Variants in RBM42 observed in about 807,000 individuals in gnomAD.
The protein encoded by RBM42 is RNA-binding protein 42.
RBM42 carries 21 observed loss-of-function variants against 41.4 expected under a neutral mutation model. The observed-to-expected ratio is 0.51, with a 90% CI of 0.36 to 0.73. RBM42 has a LOEUF of 0.73. RBM42 is among the 30% of genes least tolerant of loss of function. The pLI is 0.00. For synonymous variants in RBM42, 272 were observed against 271.2 expected (o/e 1.00, Z -0.03); for missense variants, 539 against 680.4 (o/e 0.79, Z 2.31).
chr19:35,629,450 C>T, intron 1 of RBM42, 70 bp from the exon 2 acceptor site: 1 of 1,587,902 alleles, frequency 6.3e-7, no homozygotes, highest in Non-Finnish European at 8.6e-7. Flanking sequence ...TGAGGGTCCC[C>T]TCGCGATATA....
chr19:35,632,042 A>G (rs1009299845), intron 4 of RBM42: 7 of 153,156 alleles, frequency 4.6e-5, no homozygotes, highest in African/African-American at 1.7e-4. Context: ...TTTGTAGGAC[A>G]TTACTTCCTT....
chr19:35,637,530 AAAG>A lies in RBM42; in HGVS notation c.1426_1428del (p.Lys476del), dbSNP rs1568336007. 2 of 1,614,230 alleles carry A rather than the reference AAAG, an allele frequency of 1.2e-6. No homozygotes were observed. Among genetic ancestry groups the A allele is most frequent in the Non-Finnish European group, 1.7e-6 (2 of 1,180,038 alleles). On this transcript the variant is annotated inframe_deletion, in exon 10 of 10. Coordinates refer to ENST00000262633, the MANE Select transcript of RBM42 (RefSeq NM_024321.5). The surrounding 1 kb of genome is among the most constrained non-coding windows in gnomAD (Gnocchi z 7.0). ...ACGTGGTCCGCAAGAAGCAGAAGGAAAAGAAGAAGCTGGGCCTGAGATAGGGTC... is the reference window on the plus strand; with the variant it reads ...ACGTGGTCCGCAAGAAGCAGAAGGAAAAGAAGCTGGGCCTGAGATAGGGTC...
Position 35,637,337 on chromosome 19 carries a change from A to G in RBM42, c.1315A>G (p.Met439Val). The change falls in exon 9 of 10, where the codon ATG becomes GTG. Residue 439 changes from methionine to valine, a missense_variant. This residue lies in a region of RBM42 where 110 missense variants were observed against 191.5 expected (regional missense o/e 0.57). Transcript: ENST00000262633. The surrounding 1 kb of genome is among the most constrained non-coding windows in gnomAD (Gnocchi z 7.0). The part of the protein sequence containing the change: ...FKDPSDYVRA[M>V]REMNGKYVGS... ...GGACCCCAGCGACTACGTGCGCGCC[A>G]TGCGTGAGATGAATGGTGGGTGCGG... The G allele has an allele frequency of 6.2e-7, 1 of 1,614,208 alleles. No individual in the cohort carries two copies.
chr19:35,633,074 C>T lies in RBM42; in HGVS notation c.509-3C>T. 6.2e-7 allele frequency: 1 copy of T among 1,612,510 alleles called. No individual in the cohort carries two copies. The highest frequency in any genetic ancestry group is 8.5e-7 in the Non-Finnish European group (1 of 1,178,626). ...CTGGAACTCCCCACTAACACCCTGA[C>T]AGATTCCGCTCTCTCCTCTGCAGCA... On this transcript the variant is annotated splice_region_variant and splice_polypyrimidine_tract_variant and intron_variant, in intron 5 of 9. Coordinates refer to ENST00000262633, the MANE Select transcript of RBM42 (RefSeq NM_024321.5).
Position 35,633,178 on chromosome 19 carries a change from C to T in RBM42, c.610C>T (p.Pro204Ser), listed in dbSNP as rs1312109708. Residue 204 changes from proline to serine, a missense_variant, in exon 6 of 10, where the codon CCC becomes TCC. This residue lies in a region of RBM42 where 429 missense variants were observed against 488.9 expected (regional missense o/e 0.88). Transcript: ENST00000262633. ...CCCTCTGCCTGGGCCCCCTGGACCA[C>T]CCATGATGCTGCCACCAATGGCTCG... ...GPPLPGPPGP[P>S]MMLPPMARAP... 2 of 1,612,096 alleles carry T rather than the reference C, an allele frequency of 1.2e-6. No individual in the cohort carries two copies. Among genetic ancestry groups the T allele is most frequent in the East Asian group, 2.2e-5 (1 of 44,850 alleles).
rs778517576 is a variant in RBM42, at chr19:35,633,804, G to A, written c.802G>A (p.Val268Met). Reference protein sequence around the residue: ...GLEEASAAVAVGAGGAPAGPA... With the variant: ...GLEEASAAVAMGAGGAPAGPA... ...GGAGGAGGCTAGCGCGGCTGTGGCC[G>A]TGGGGGCAGGAGGTGCCCCAGCTGG... The change falls in exon 7 of 10, where the codon GTG (valine) becomes ATG (methionine). Residue 268 changes from valine to methionine, a missense_variant. By Grantham distance (21) the Val-to-Met change is conservative. Around this residue, in one of 2 missense-constraint regions of RBM42, gnomAD observed 429 missense variants for 488.9 expected, o/e 0.88. Coordinates refer to ENST00000262633, the MANE Select transcript of RBM42 (RefSeq NM_024321.5). 1.9e-5 allele frequency: 29 copies of A among 1,499,994 alleles called. No homozygotes were observed. The highest frequency in any genetic ancestry group is 2.5e-5 in the East Asian group (1 of 40,094). 92.9% of individuals were successfully genotyped at this position (1,499,994 alleles called of 1,614,324 possible). A position where few individuals can be genotyped will look rare whatever the true frequency, so the allele number is the denominator to read the frequency against.
rs754205583 is a variant in RBM42 at position 35,633,905 on chromosome 19, G to A, written c.903G>A (p.Pro301=). 8.2e-6 allele frequency: 13 copies of A among 1,593,664 alleles called. No homozygotes were observed. Among genetic ancestry groups the A allele is most frequent in the East Asian group, 2.3e-5 (1 of 44,004 alleles). Reference sequence around the variant, plus strand: ...CCGAGCCTGAGCCCCTGCCCCTCCCGTTGGAGGTCGTCCGCGGCCTCCTGC... The same window carrying A: ...CCGAGCCTGAGCCCCTGCCCCTCCCATTGGAGGTCGTCCGCGGCCTCCTGC... ...PLPEPEPLPL[P]LEVVRGLLPP... is the part of the protein sequence containing the mutation. The change falls in exon 7 of 10, where the codon CCG becomes CCA. Residue 301 remains proline (P), a synonymous_variant. Transcript: ENST00000262633.
rs532627221 is a variant in RBM42, at chr19:35,634,316, A to G, written c.1078A>G (p.Ile360Val). The change falls in exon 8 of 10, where the codon ATT becomes GTT. Residue 360 changes from isoleucine (I) to valine (V), a missense_variant. By Grantham distance (29) the Ile-to-Val change is conservative. Transcript: ENST00000262633. ...KGKPEKLKRC[I>V]RTAAGSSWED... ...GAAGCCAGAGAAATTGAAACGGTGC[A>G]TTCGCACAGCGGCAGGGAGCAGCTG... is the stretch of plus-strand genomic sequence containing the variant. The G allele has an allele frequency of 1.2e-6, 2 of 1,614,206 alleles. No homozygotes were observed. Among genetic ancestry groups the G allele is most frequent in the East Asian group, 2.2e-5 (1 of 44,866 alleles).
chr19:35,631,821 G>C, intron 4 of RBM42: 1 of 191,324 alleles, frequency 5.2e-6, no homozygotes, highest in South Asian at 8.6e-5. Context: ...TTTTCCCCTG[G>C]CAGTCACAAC....
intron 1 of RBM42, 107 bp from the exon 2 acceptor site, chr19:35,629,413 C>G: frequency 6.5e-7 from 1 of 1,533,786 alleles, no homozygotes; most frequent in Non-Finnish European, 8.8e-7. Context: ...ATTGTGGGGG[C>G]GGGGATAGGG....
intron 8 of RBM42, among the ~76,000 whole-genome samples, chr19:35,635,602 C>T (rs900578516): frequency 5.3e-5 from 8 of 150,208 alleles, no homozygotes; most frequent in African/African-American, 2.0e-4. Flanking sequence ...CTCACTGCAA[C>T]CTCCACCTGC....
chr19:35,633,893 C>A lies in RBM42; in HGVS notation c.891C>A (p.Pro297=), dbSNP rs999637292. The A allele has an allele frequency of 6.3e-7, 1 of 1,595,340 alleles. No homozygotes were observed. Among genetic ancestry groups the A allele is most frequent in the East Asian group, 2.3e-5 (1 of 44,092 alleles). ...ALAMPLPEPE[P]LPLPLEVVRG... ...CCATGCCATTGCCCGAGCCTGAGCCCCTGCCCCTCCCGTTGGAGGTCGTCC... is the reference window on the plus strand; with the variant it reads ...CCATGCCATTGCCCGAGCCTGAGCCACTGCCCCTCCCGTTGGAGGTCGTCC... The change falls in exon 7 of 10, where the codon CCC becomes CCA. Residue 297 remains proline (P), a synonymous_variant. Coordinates refer to ENST00000262633, the MANE Select transcript of RBM42 (RefSeq NM_024321.5).
intron 8 of RBM42, among the ~76,000 whole-genome samples, chr19:35,635,671 C>T (rs898957635): frequency 6.6e-6 from 1 of 152,098 alleles, no homozygotes; most frequent in Non-Finnish European, 1.5e-5. Flanking sequence ...CAGGCGCGCA[C>T]GACCATGCTT....
intron 1 of RBM42, 49 bp from the exon 2 acceptor site, chr19:35,629,471 C>T: frequency 6.2e-7 from 1 of 1,606,502 alleles, no homozygotes; most frequent in South Asian, 1.1e-5. Flanking sequence ...CCCACAGTTC[C>T]AAAATTGGTA....
intron 8 of RBM42, among the ~76,000 whole-genome samples, 161 bp from the exon 9 acceptor site, chr19:35,636,997 C>CCAGCAGAGCTCCTGGCGCAGGGT (rs1258904230): frequency 1.3e-5 from 2 of 151,966 alleles, no homozygotes; most frequent in African/African-American, 4.8e-5. Context: ...CCTCCAGGTG[C>CCAGCAGAGCTCCTGGCGCAGGGT]CAGCAGAGCT....
At chr19:35,634,226 C>A in intron 7 of RBM42, 30 bp from the exon 8 acceptor site, 1 of 1,603,516 alleles carries the variant, frequency 6.2e-7, no homozygotes, top group Non-Finnish European at 8.5e-7. Flanking sequence ...CAATACCAAC[C>A]CCTTTGCACC....
chr19:35,633,756 G>C lies in RBM42; in HGVS notation c.754G>C (p.Val252Leu). 1 of 1,499,806 alleles carries C rather than the reference G, an allele frequency of 6.7e-7. No individual in the cohort carries two copies. Among genetic ancestry groups the C allele is most frequent in the Non-Finnish European group, 8.8e-7 (1 of 1,131,120 alleles). The allele number at this position is 1,499,806 out of a possible 1,614,324, so 92.9% of individuals were successfully genotyped here. ...GLGLKEKEEA[V>L]VAAAAGLEEA... is the part of the protein sequence containing the mutation. Reference sequence around the variant, plus strand: ...GGGCCTGAAAGAGAAGGAAGAGGCAGTGGTGGCGGCGGCGGCTGGGCTGGA... The same window carrying C: ...GGGCCTGAAAGAGAAGGAAGAGGCACTGGTGGCGGCGGCGGCTGGGCTGGA... The change falls in exon 7 of 10, where the codon GTG becomes CTG. Residue 252 changes from valine to leucine, a missense_variant. Transcript: ENST00000262633.
Position 35,633,236 on chromosome 19 carries a change from C to T in RBM42, c.668C>T (p.Ala223Val). The change falls in exon 6 of 10, where the codon GCA (alanine) becomes GTA (valine). Residue 223 changes from alanine (A) to valine (V), a missense_variant. This residue lies in a region of RBM42 where 429 missense variants were observed against 488.9 expected (regional missense o/e 0.88). Coordinates refer to ENST00000262633, the MANE Select transcript of RBM42 (RefSeq NM_024321.5). Reference protein sequence around the residue: ...APGPPLGSMAALRPPLEEPAA... With the variant: ...APGPPLGSMAVLRPPLEEPAA... Reference sequence around the variant, plus strand: ...GGGCCCCCGCTGGGCTCCATGGCTGCACTGAGGCCCCCTCTGGTGAGTGTG... The same window carrying T: ...GGGCCCCCGCTGGGCTCCATGGCTGTACTGAGGCCCCCTCTGGTGAGTGTG... The T allele has an allele frequency of 1.8e-5, 28 of 1,591,948 alleles. No homozygotes were observed. Among genetic ancestry groups the T allele is most frequent in the Non-Finnish European group, 2.4e-5 (28 of 1,170,274 alleles).
At chr19:35,633,286 G>A (rs1467987266) in intron 6 of RBM42, 34 bp downstream of exon 6, 2 of 1,497,568 alleles carry the variant, frequency 1.3e-6, no homozygotes, top group Admixed American at 4.4e-5. Flanking sequence ...GGTCAGATGT[G>A]CGGTGGACGG....
Sources: gnomAD v4.1 joint callset for allele counts (sites outside exome capture counted in the v4.1 genomes callset) on GRCh38, gnomAD v4.1.1 for gene constraint, gnomAD v4.1.1 regional missense constraint, Gnocchi (gnomAD v3.1) non-coding constraint, MANE v1.5 for transcripts, NCBI Gene and HGNC (gene_info 2026-07-23, HGNC 2026-07-21) for gene names.